The following GTSE1 variants were observed in gnomAD, a reference collection of about 807,000 sequenced individuals.
GTSE1 encodes the protein G2 and S-phase expressed 1, also known as G2 and S phase-expressed protein 1.
A neutral mutation model predicts 60.5 loss-of-function variants in GTSE1; 52 were observed. The observed-to-expected ratio is 0.86, with a 90% CI of 0.69 to 1.08. The LOEUF (loss-of-function observed/expected upper bound fraction) is 1.08, where lower values mean the gene tolerates loss of function less well. Among genes scored for constraint, GTSE1 ranks in the 50% least tolerant of loss-of-function variants. The pLI, the probability that GTSE1 is intolerant of heterozygous loss-of-function variation, is 0.00. For synonymous variants in GTSE1, 368 were observed against 386.5 expected (o/e 0.95, Z 0.56); for missense variants, 937 against 961.8 (o/e 0.97, Z 0.34).
At chr22:46,315,947 T>C (rs2077776556) in intron 6 of GTSE1, 85 bp from the exon 7 acceptor site, 6 of 1,048,562 alleles carry the variant, frequency 5.7e-6, no homozygotes, top group Non-Finnish European at 8.3e-6. Flanking sequence ...AAGGTAGATA[T>C]GCTAAAGACA....
At chr22:46,325,793 G>T (rs2077840372) in intron 8 of GTSE1, among the ~76,000 whole-genome samples, 1 of 152,230 alleles carries the variant, frequency 6.6e-6, no homozygotes, top group Non-Finnish European at 1.5e-5. Context: ...CAGACATTCA[G>T]TCCACAGCAA....
At position 46,329,429 on chromosome 22, in the gene GTSE1, C is replaced by A. The variant is rs774169870; in HGVS notation, c.1998C>A (p.Asp666Glu). 1 of 1,614,242 alleles carries A rather than the reference C, an allele frequency of 6.2e-7. No homozygotes were observed. The highest frequency in any genetic ancestry group is 8.5e-7 in the Non-Finnish European group (1 of 1,180,036). Residue 666 changes from aspartate (D) to glutamate (E), a missense_variant, in exon 11 of 12, where the codon GAC becomes GAA. Transcript: ENST00000454366. The surrounding 1 kb of genome is among the most constrained non-coding windows in gnomAD (Gnocchi z 6.4). ...ATGCTGCAAGCCAGCCCCTCATTGA[C>A]CTTCCTCTCATCGACTTCTGCGATA... is the stretch of plus-strand genomic sequence containing the variant. ...TPDAASQPLI[D>E]LPLIDFCDTP...
rs2077740377 is a variant in GTSE1, at chr22:46,310,162, C to T, written c.762+1219C>T. ...TCTAGAGTGGCTCATGGCACATGCT[C>T]ACTCCTGTGAGGAGTCATTAGCAAT... On this transcript the variant is annotated intron_variant, in intron 4 of 11. Coordinates refer to ENST00000454366, the MANE Select transcript of GTSE1 (RefSeq NM_016426.7). The surrounding 1 kb of genome is among the most constrained non-coding windows in gnomAD (Gnocchi z 4.4). Among the ~76,000 whole-genome samples, 1 of 152,222 alleles carries T rather than the reference C, an allele frequency of 6.6e-6. No individual in the cohort carries two copies. Among genetic ancestry groups the T allele is most frequent in the African/African-American group, 2.4e-5 (1 of 41,452 alleles).
rs940006760 is a variant in GTSE1 at position 46,313,987 on chromosome 22, C to T, written c.1025C>T (p.Ala342Val). Reference protein sequence around the residue: ...SGPVWSGASSACTSPAVGKAK... With the variant: ...SGPVWSGASSVCTSPAVGKAK... Reference sequence around the variant, plus strand: ...CCTGTTTGGAGCGGGGCATCCAGTGCGTGCACATCCCCAGCAGTGGGCAAA... The same window carrying T: ...CCTGTTTGGAGCGGGGCATCCAGTGTGTGCACATCCCCAGCAGTGGGCAAA... Residue 342 changes from alanine to valine, a missense_variant, in exon 6 of 12, where the codon GCG (alanine) becomes GTG (valine). Physicochemically the swap from Ala to Val is moderately conservative, Grantham distance 64. Coordinates refer to ENST00000454366, the MANE Select transcript of GTSE1 (RefSeq NM_016426.7). The surrounding 1 kb of genome is among the most constrained non-coding windows in gnomAD (Gnocchi z 4.4). 5.6e-6 allele frequency: 9 copies of T among 1,614,170 alleles called. 2 individuals carry two copies. The highest frequency in any genetic ancestry group is 2.7e-5 in the African/African-American group (2 of 75,064).
In GTSE1 at chr22:46,321,183, C is replaced by A. The variant is rs778450155; in HGVS notation, c.1433-2007C>A. On this transcript the variant is annotated intron_variant, in intron 7 of 11. Transcript: ENST00000454366. The surrounding 1 kb of genome is among the most constrained non-coding windows in gnomAD (Gnocchi z 4.0). ...GATTATGGGATGACTTAGTCACAGACCACCCCACTCCATACAAGAAAACAA... is the reference window on the plus strand; with the variant it reads ...GATTATGGGATGACTTAGTCACAGAACACCCCACTCCATACAAGAAAACAA... Among the ~76,000 whole-genome samples the A allele has an allele frequency of 1.3e-5, 2 of 152,076 alleles. No homozygotes were observed. The highest frequency in any genetic ancestry group is 2.9e-5 in the Non-Finnish European group (2 of 68,032).
In GTSE1 at chr22:46,313,770, G is replaced by A; in HGVS notation, c.928-120G>A. 9.5e-7 allele frequency: 1 copy of A among 1,054,140 alleles called. No homozygotes were observed. The highest frequency in any genetic ancestry group is 1.4e-6 in the Non-Finnish European group (1 of 707,238). 65.3% of individuals were successfully genotyped at this position (1,054,140 alleles called of 1,614,324 possible). ...GATCCTCCGGCCTCAGCCTCCCAAA[G>A]TGCTGGGATTACAGGCGTGAGCCAC... is the stretch of plus-strand genomic sequence containing the variant. On this transcript the variant is annotated intron_variant, in intron 5 of 11. Coordinates refer to ENST00000454366, the MANE Select transcript of GTSE1 (RefSeq NM_016426.7). The surrounding 1 kb of genome is among the most constrained non-coding windows in gnomAD (Gnocchi z 4.4).
In GTSE1 at chr22:46,318,427, CAG is replaced by C. The variant is rs2077793180; in HGVS notation, c.1432+2017_1432+2018del. Among the ~76,000 whole-genome samples the C allele has an allele frequency of 6.6e-6, 1 of 152,154 alleles. No homozygotes were observed. The highest frequency in any genetic ancestry group is 1.9e-4 in the East Asian group (1 of 5,188). On this transcript the variant is annotated intron_variant, in intron 7 of 11. Coordinates refer to ENST00000454366, the MANE Select transcript of GTSE1 (RefSeq NM_016426.7). This position sits in a 1 kb window ranked among gnomAD's most constrained non-coding sequence, Gnocchi z 4.8. Reference sequence around the variant, plus strand: ...GGGGACAAGGGACATCATGATAAGACAGACCTACTCTCACAGAATTTCTGTTT... The same window carrying C: ...GGGGACAAGGGACATCATGATAAGACACCTACTCTCACAGAATTTCTGTTT...
Position 46,328,727 on chromosome 22 carries a change from C to T in GTSE1, c.1764C>T (p.Ser588=). Residue 588 remains serine (S), a synonymous_variant, in exon 10 of 12, where the codon TCC becomes TCT. Coordinates refer to ENST00000454366, the MANE Select transcript of GTSE1 (RefSeq NM_016426.7). The part of the protein sequence containing the change: ...PTRESNRKTD[S]RLVDVSPDRG... ...GGGAGAGCAACAGAAAGACAGATTC[C>T]AGGCTGGTGGATGTGTCCCCTGACA... 2 of 1,614,076 alleles carry T rather than the reference C, an allele frequency of 1.2e-6. No individual in the cohort carries two copies. Among genetic ancestry groups the T allele is most frequent in the Non-Finnish European group, 1.7e-6 (2 of 1,179,896 alleles).
chr22:46,301,986 G>T lies in GTSE1; in HGVS notation c.79+4507G>T, dbSNP rs139969247. On this transcript the variant is annotated intron_variant, in intron 2 of 11. Transcript: ENST00000454366. Reference sequence around the variant, plus strand: ...TCTACTAAAAATACAAAATTAGCCAGACATGCTGGTTCATACTGATCCCAG... The same window carrying T: ...TCTACTAAAAATACAAAATTAGCCATACATGCTGGTTCATACTGATCCCAG... Among the ~76,000 whole-genome samples, 97 of 152,228 alleles carry T rather than the reference G, an allele frequency of 6.4e-4. 1 individual carries two copies. In the East Asian group the frequency reaches 0.018, roughly 28 times the overall value.
chr22:46,329,192 G>C lies in GTSE1; in HGVS notation c.1927-166G>C. The C allele has an allele frequency of 1.4e-6, 1 of 697,752 alleles. No homozygotes were observed. The highest frequency in any genetic ancestry group is 2.5e-5 in the East Asian group (1 of 40,246). The allele number at this position is 697,752 out of a possible 1,614,324, so 43.2% of individuals were successfully genotyped here. On this transcript the variant is annotated intron_variant, in intron 10 of 11. Coordinates refer to ENST00000454366, the MANE Select transcript of GTSE1 (RefSeq NM_016426.7). This position sits in a 1 kb window ranked among gnomAD's most constrained non-coding sequence, Gnocchi z 6.4. ...GACAGGGAGGTGGGCAACAGTCAGA[G>C]AGGCACGGCCCACCCCATACAGAGC...
At position 46,324,487 on chromosome 22, in the gene GTSE1, C is replaced by A. The variant is rs1421671123; in HGVS notation, c.1505+1225C>A. Among the ~76,000 whole-genome samples, 1 of 152,122 alleles carries A rather than the reference C, an allele frequency of 6.6e-6. No individual in the cohort carries two copies. Among genetic ancestry groups the A allele is most frequent in the African/African-American group, 2.4e-5 (1 of 41,418 alleles). ...GATTCACGCCATTCTCCTGCCTCAG[C>A]CTCCCAAGTAGCTGGGACTACAGGC... On this transcript the variant is annotated intron_variant, in intron 8 of 11. Transcript: ENST00000454366. The surrounding 1 kb of genome is among the most constrained non-coding windows in gnomAD (Gnocchi z 5.2).
Position 46,313,946 on chromosome 22 carries a change from G to A in GTSE1, c.984G>A (p.Arg328=). ...KAPGSTSNLA[R]KSSSGPVWSG... ...CCGGCTCTACCAGCAATCTCGCAAG[G>A]AAGTCCTCCTCGGGGCCTGTTTGGA... Residue 328 remains arginine (R), a synonymous_variant, in exon 6 of 12, where the codon AGG becomes AGA. Transcript: ENST00000454366. The surrounding 1 kb of genome is among the most constrained non-coding windows in gnomAD (Gnocchi z 4.4). 1 of 1,614,214 alleles carries A rather than the reference G, an allele frequency of 6.2e-7. No homozygotes were observed.
At chr22:46,328,665 A>G (rs774355296) in intron 9 of GTSE1, 23 bp from the exon 10 acceptor site, 15 of 1,577,126 alleles carry the variant, frequency 9.5e-6, no homozygotes, top group East Asian at 2.2e-5. Context: ...ACATTTTCTC[A>G]TAAGTTTTTT....
At chr22:46,312,370 G>A (rs2077753891) in intron 5 of GTSE1, 65 bp downstream of exon 5, 1 of 1,484,554 alleles carries the variant, frequency 6.7e-7, no homozygotes, top group Non-Finnish European at 9.1e-7. Context: ...GTGTGTACAA[G>A]TGCTTTGGAT....
chr22:46,314,509 C>T lies in GTSE1; in HGVS notation c.1051+496C>T, dbSNP rs891927850. 1.3e-5 allele frequency among the ~76,000 whole-genome samples: 2 copies of T among 152,076 alleles called. No homozygotes were observed. Among genetic ancestry groups the T allele is most frequent in the African/African-American group, 4.8e-5 (2 of 41,412 alleles). On this transcript the variant is annotated intron_variant, in intron 6 of 11. Transcript: ENST00000454366. This position sits in a 1 kb window ranked among gnomAD's most constrained non-coding sequence, Gnocchi z 7.1. Reference sequence around the variant, plus strand: ...CCTTTCTGCTCTTCAGAGCGAAATCCTCTTCGAGGTGCATTGGCCATGTGG... The same window carrying T: ...CCTTTCTGCTCTTCAGAGCGAAATCTTCTTCGAGGTGCATTGGCCATGTGG...
rs370747643 is a variant in GTSE1, at chr22:46,329,597, T to C, written c.2136+30T>C. The C allele has an allele frequency of 3.5e-5, 55 of 1,567,284 alleles. No individual in the cohort carries two copies. In the African/African-American group the frequency reaches 6.8e-4, roughly 19 times the overall value. Reference sequence around the variant, plus strand: ...GAAGTGGCAGGTGGTTCATGTTGACTCAGCCCTGGGTGTCCTCAGTTCTGG... The same window carrying C: ...GAAGTGGCAGGTGGTTCATGTTGACCCAGCCCTGGGTGTCCTCAGTTCTGG... On this transcript the variant is annotated intron_variant, in intron 11 of 11. Coordinates refer to ENST00000454366, the MANE Select transcript of GTSE1 (RefSeq NM_016426.7). This position sits in a 1 kb window ranked among gnomAD's most constrained non-coding sequence, Gnocchi z 6.4.
chr22:46,313,833 A>C lies in GTSE1; in HGVS notation c.928-57A>C. ...AAAACCCCTTACTTTTGCAGACACA[A>C]GTAATAGGTAAATAACGAGATCTTT... On this transcript the variant is annotated intron_variant, in intron 5 of 11. Coordinates refer to ENST00000454366, the MANE Select transcript of GTSE1 (RefSeq NM_016426.7). This position sits in a 1 kb window ranked among gnomAD's most constrained non-coding sequence, Gnocchi z 4.4. 6.2e-7 allele frequency: 1 copy of C among 1,604,232 alleles called. No homozygotes were observed. The highest frequency in any genetic ancestry group is 8.5e-7 in the Non-Finnish European group (1 of 1,172,366).
rs1217773915 is a variant in GTSE1, at chr22:46,314,041, C to G, written c.1051+28C>G. The G allele has an allele frequency of 6.2e-7, 1 of 1,612,608 alleles. No homozygotes were observed. On this transcript the variant is annotated intron_variant, in intron 6 of 11. Coordinates refer to ENST00000454366, the MANE Select transcript of GTSE1 (RefSeq NM_016426.7). This position sits in a 1 kb window ranked among gnomAD's most constrained non-coding sequence, Gnocchi z 7.1. ...GAGGCAGCCGGCATCATGCTTGGAC[C>G]CACATCTGGCCAGGTGAGGCCTGGA...
chr22:46,312,565 G>A (rs1333320986), intron 5 of GTSE1, among the ~76,000 whole-genome samples: 1 of 151,522 alleles, frequency 6.6e-6, no homozygotes, highest in African/African-American at 2.4e-5. Flanking sequence ...CTTGAGCCCA[G>A]GAGGTCGAGG....
Sources: gnomAD v4.1 joint callset for allele counts (sites outside exome capture counted in the v4.1 genomes callset) on GRCh38, gnomAD v4.1.1 for gene constraint, Gnocchi (gnomAD v3.1) non-coding constraint, MANE v1.5 for transcripts, NCBI Gene and HGNC (gene_info 2026-07-23, HGNC 2026-07-21) for gene names.